NUCB1: variants seen among roughly 807,000 people sequenced by gnomAD.
The protein encoded by NUCB1 is nucleobindin-1.
NUCB1 carries 47 observed loss-of-function variants against 61.2 expected under a neutral mutation model. That is an observed-to-expected ratio of 0.77 (90% CI 0.61 to 0.98). NUCB1 has a LOEUF of 0.98. NUCB1 is among the 50% of genes least tolerant of loss of function. NUCB1 has a pLI of 0.00. For missense variants in NUCB1, 583 were observed against 605.3 expected (o/e 0.96, Z 0.39); for synonymous variants, 234 against 243.1 (o/e 0.96, Z 0.35).
intron 10 of NUCB1, among the ~76,000 whole-genome samples, chr19:48,919,996 T>G (rs905869843): frequency 1.3e-5 from 2 of 152,094 alleles, no homozygotes; most frequent in Non-Finnish European, 2.9e-5. Flanking sequence ...CTAGAACTGC[T>G]GGACTCAAGC....
chr19:48,921,081 G>C, intron 10 of NUCB1, 73 bp from the exon 11 acceptor site: 1 of 1,501,432 alleles, frequency 6.7e-7, no homozygotes, highest in Non-Finnish European at 9.0e-7. Context: ...TCCCCCATTG[G>C]CACAACCCTC....
At position 48,919,125 on chromosome 19, in the gene NUCB1, GAGGTGGGGGCC is replaced by G; in HGVS notation, c.909+7_909+17del. On this transcript the variant is annotated splice_donor_5th_base_variant and intron_variant, in intron 9 of 12. Coordinates refer to ENST00000405315, the MANE Select transcript of NUCB1 (RefSeq NM_006184.6). ...TGCGGGAGCATGTGATGAAGAATGT[GAGGTGGGGGCC>G]AGGCGGGGGAGAGGACGGGCCCCCA... is the stretch of plus-strand genomic sequence containing the variant. 1 of 1,614,098 alleles carries G rather than the reference GAGGTGGGGGCC, an allele frequency of 6.2e-7. No individual in the cohort carries two copies. The highest frequency in any genetic ancestry group is 8.5e-7 in the Non-Finnish European group (1 of 1,179,994).
chr19:48,914,784 TA>T (rs113973943), intron 7 of NUCB1, among the ~76,000 whole-genome samples: 38 of 146,568 alleles, frequency 2.6e-4, no homozygotes, highest in African/African-American at 3.7e-4. Context: ...TGTCTCTATT[TA>T]AAAAAAAAAA....
intron 3 of NUCB1, among the ~76,000 whole-genome samples, chr19:48,905,150 G>A (rs1012212177): frequency 6.6e-6 from 1 of 152,198 alleles, no homozygotes; most frequent in Non-Finnish European, 1.5e-5. Context: ...ATGTGTAAAG[G>A]GTTTGGAAGA....
chr19:48,910,499 A>G (rs935321572), intron 4 of NUCB1, among the ~76,000 whole-genome samples: 3 of 151,866 alleles, frequency 2.0e-5, no homozygotes, highest in African/African-American at 7.2e-5. Flanking sequence ...CAGCCTGGCC[A>G]ACATGGTGAA....
intron 4 of NUCB1, among the ~76,000 whole-genome samples, chr19:48,907,319 A>G (rs1332216019): frequency 4.2e-5 from 5 of 119,234 alleles, no homozygotes; most frequent in African/African-American, 1.7e-4. Flanking sequence ...TCTGTCTCCC[A>G]GGCTGCACTA....
intron 4 of NUCB1, among the ~76,000 whole-genome samples, chr19:48,907,760 C>T (rs1337219408): frequency 6.6e-6 from 1 of 152,250 alleles, no homozygotes; most frequent in Admixed American, 6.5e-5. Context: ...CCCCAGTGCC[C>T]TCAGGCCCGC....
chr19:48,916,960 C>T (rs2037547249), intron 7 of NUCB1, among the ~76,000 whole-genome samples: 1 of 151,994 alleles, frequency 6.6e-6, no homozygotes, highest in Admixed American at 6.6e-5. Flanking sequence ...TGGCTTACCC[C>T]TATAATCCCA....
chr19:48,919,294 C>A lies in NUCB1; in HGVS notation c.1002+8C>A. ...ACCGGGGAGGGCTGGGAGGTGAGAA[C>A]ATGGGGGATACTCGGGGTCCTGAAC... is the stretch of plus-strand genomic sequence containing the variant. On this transcript the variant is annotated splice_region_variant and intron_variant, in intron 10 of 12. Transcript: ENST00000405315. The A allele has an allele frequency of 6.2e-7, 1 of 1,604,850 alleles. No homozygotes were observed. Among genetic ancestry groups the A allele is most frequent in the Non-Finnish European group, 8.5e-7 (1 of 1,171,898 alleles).
chr19:48,918,680 C>T (rs753474505), intron 7 of NUCB1, 46 bp from the exon 8 acceptor site: 4 of 1,527,164 alleles, frequency 2.6e-6, no homozygotes, highest in Middle Eastern at 3.4e-4. Context: ...CCTTACACAT[C>T]CCGTCCTCGG....
rs59040968 is a variant in NUCB1, at chr19:48,922,765, T to C, written c.*341T>C. The C allele has an allele frequency of 0.04, 9,638 of 238,628 alleles. 884 individuals are homozygous for C. The highest frequency in any genetic ancestry group is 0.2 in the African/African-American group (8,684 of 44,036). The allele number at this position is 238,628 out of a possible 1,614,324, so 14.8% of individuals were successfully genotyped here. A position where few individuals can be genotyped will look rare whatever the true frequency, so the allele number is the denominator to read the frequency against. On this transcript the variant is annotated 3_prime_UTR_variant, in exon 13 of 13. Transcript: ENST00000405315. Reference sequence around the variant, plus strand: ...CTCTGAGCCTGCGTTCCTAGGTGGCTCGGCCTCAGCTGCCTGGGTTGTGGC... The same window carrying C: ...CTCTGAGCCTGCGTTCCTAGGTGGCCCGGCCTCAGCTGCCTGGGTTGTGGC...
At chr19:48,917,423 A>G (rs1237090729) in intron 7 of NUCB1, among the ~76,000 whole-genome samples, 1 of 151,852 alleles carries the variant, frequency 6.6e-6, no homozygotes, top group Non-Finnish European at 1.5e-5. Flanking sequence ...TCCTGGGCTC[A>G]AGTGATTCTT....
chr19:48,913,637 A>G (rs1331788285), intron 7 of NUCB1, 73 bp downstream of exon 7: 1 of 1,284,318 alleles, frequency 7.8e-7, no homozygotes, highest in Non-Finnish European at 1.1e-6. Context: ...GAATGCTAAG[A>G]GGGGTGTGTC....
chr19:48,913,217 C>T lies in NUCB1; in HGVS notation c.666+21C>T, dbSNP rs376460056. ...TGCCTGTGAGGACCCCATTTGTGCCCATCCACTCCCTACCACATCCAGTTC... is the reference window on the plus strand; with the variant it reads ...TGCCTGTGAGGACCCCATTTGTGCCTATCCACTCCCTACCACATCCAGTTC... On this transcript the variant is annotated intron_variant, in intron 6 of 12. Coordinates refer to ENST00000405315, the MANE Select transcript of NUCB1 (RefSeq NM_006184.6). The T allele has an allele frequency of 3.8e-6, 6 of 1,594,804 alleles. No homozygotes were observed. In the African/African-American group the frequency reaches 8.1e-5, roughly 22 times the overall value.
At chr19:48,911,382 G>A (rs1298523657) in intron 5 of NUCB1, 130 bp downstream of exon 5, 8 of 605,220 alleles carry the variant, frequency 1.3e-5, no homozygotes, top group African/African-American at 3.9e-5. Flanking sequence ...GCTGGTAGAG[G>A]GCTGAGTCGT....
Position 48,901,018 on chromosome 19 carries a change from C to T in NUCB1, c.135+87C>T, listed in dbSNP as rs760914834. ...CCCCGGTGCCCGTAGGGCGGATGCT[C>T]CAGTGACTTCCTGGCCCTACAGTTG... On this transcript the variant is annotated intron_variant, in intron 2 of 12. Coordinates refer to ENST00000405315, the MANE Select transcript of NUCB1 (RefSeq NM_006184.6). 78 of 1,473,332 alleles carry T rather than the reference C, an allele frequency of 5.3e-5. 1 individual carries two copies. In the South Asian group the frequency reaches 5.6e-4, roughly 11 times the overall value. The allele number at this position is 1,473,332 out of a possible 1,614,324, so 91.3% of individuals were successfully genotyped here.
chr19:48,912,956 GA>G, intron 5 of NUCB1, 54 bp from the exon 6 acceptor site: 1 of 1,431,658 alleles, frequency 7.0e-7, no homozygotes, highest in South Asian at 1.4e-5. Context: ...TTACAGGCTG[GA>G]ATTGGGGGCT....
chr19:48,905,164 T>C (rs925693174), intron 3 of NUCB1, among the ~76,000 whole-genome samples: 1 of 152,186 alleles, frequency 6.6e-6, no homozygotes, highest in Non-Finnish European at 1.5e-5. Flanking sequence ...TGGAAGAGCA[T>C]GGTGACACTC....
At position 48,900,941 on chromosome 19, in the gene NUCB1, C is replaced by T. The variant is rs762703142; in HGVS notation, c.135+10C>T. ...TGCGACTGAGAGTCCCGTGAGTGGC[C>T]CTGCCCTGCTATCCAGCCAGGTGTT... On this transcript the variant is annotated intron_variant, in intron 2 of 12. Transcript: ENST00000405315. 1.2e-5 allele frequency: 19 copies of T among 1,613,644 alleles called. No individual in the cohort carries two copies. The highest frequency in any genetic ancestry group is 1.5e-5 in the Non-Finnish European group (18 of 1,180,022).
Sources: allele counts gnomAD v4.1 joint callset (sites outside exome capture counted in the v4.1 genomes callset), GRCh38; gene constraint gnomAD v4.1.1; transcripts MANE v1.5; gene names NCBI Gene and HGNC (gene_info 2026-07-23, HGNC 2026-07-21).